The following HSF5 variants were observed in gnomAD, a reference collection of about 807,000 sequenced individuals.
HSF5 encodes the protein heat shock factor protein 5.
Under a neutral mutation model 50.8 loss-of-function variants are expected in HSF5, and 5 were observed. The ratio of observed to expected loss-of-function variants is 0.10; its 90% CI spans 0.05 to 0.21. The LOEUF is 0.21. HSF5 is among the 10% of genes least tolerant of loss of function. HSF5 has a pLI of 1.00. For missense variants in HSF5, 564 were observed against 762.6 expected (o/e 0.74, Z 3.07); for synonymous variants, 307 against 307.4 (o/e 1.00, Z 0.02).
intron 5 of HSF5, among the ~76,000 whole-genome samples, chr17:58,446,897 A>G (rs1335462794): frequency 6.6e-6 from 1 of 152,098 alleles, no homozygotes; most frequent in East Asian, 1.9e-4. Flanking sequence ...GAGGCCGAGG[A>G]GGGCGGATCA....
chr17:58,421,038 T>C lies in HSF5; in HGVS notation c.*1322A>G, dbSNP rs763622162. On this transcript the variant is annotated 3_prime_UTR_variant, in exon 6 of 6. Transcript: ENST00000323777. ...TTCCTTTCGTTTCTGCAGTGCTTAA[T>C]AGGAGAACTGAAACAGAATCCAATA... 9.8e-5 allele frequency: 15 copies of C among 152,674 alleles called. No homozygotes were observed. Among genetic ancestry groups the C allele is most frequent in the Admixed American group, 6.5e-4 (10 of 15,290 alleles). The allele number at this position is 152,674 out of a possible 1,614,324, so 9.5% of individuals were successfully genotyped here. A position where few individuals can be genotyped will look rare whatever the true frequency, so the allele number is the denominator to read the frequency against.
intron 2 of HSF5, among the ~76,000 whole-genome samples, chr17:58,469,512 CA>C (rs1974917231): frequency 6.6e-6 from 1 of 152,016 alleles, no homozygotes; most frequent in South Asian, 2.1e-4. Flanking sequence ...GATTATACTC[CA>C]AAAAGATTCC....
chr17:58,440,174 C>A (rs1163697752), intron 5 of HSF5, among the ~76,000 whole-genome samples: 1 of 152,032 alleles, frequency 6.6e-6, no homozygotes, highest in Non-Finnish European at 1.5e-5. Context: ...AGAGAGTAAG[C>A]CTTGTATTTG....
chr17:58,463,192 T>C lies in HSF5; in HGVS notation c.1132A>G (p.Ile378Val), dbSNP rs1188779189. 1.2e-6 allele frequency: 2 copies of C among 1,614,178 alleles called. No homozygotes were observed. The highest frequency in any genetic ancestry group is 1.7e-6 in the Non-Finnish European group (2 of 1,180,016). Reference sequence around the variant, plus strand: ...GGGGAGGAATGCAACTCATCAACTATCTGAAAGACAGCCTCTAGGTTTACT... The same window carrying C: ...GGGGAGGAATGCAACTCATCAACTACCTGAAAGACAGCCTCTAGGTTTACT... ...TEVNLEAVFQ[I>V]VDELHSSPKL... is the part of the protein sequence containing the mutation. Residue 378 changes from isoleucine (I) to valine (V), a missense_variant, in exon 4 of 6, where the codon ATA becomes GTA. Around this residue, in one of 5 missense-constraint regions of HSF5, gnomAD observed 441 missense variants for 533.6 expected, o/e 0.83. Transcript: ENST00000323777.
At position 58,430,561 on chromosome 17, in the gene HSF5, T is replaced by C. The variant is rs994227754; in HGVS notation, c.1721-8131A>G. ...CAGCTGGGGTACACTCTTCCTCTCC[T>C]GTCCTTGCACATCAAAACTCTAGAC... is the stretch of plus-strand genomic sequence containing the variant. On this transcript the variant is annotated intron_variant, in intron 5 of 5. Coordinates refer to ENST00000323777, the MANE Select transcript of HSF5 (RefSeq NM_001080439.3). 2.0e-5 allele frequency among the ~76,000 whole-genome samples: 3 copies of C among 152,298 alleles called. No individual in the cohort carries two copies. The East Asian group carries it at 5.8e-4, about 29-fold the overall frequency.
chr17:58,465,319 G>A (rs908330946), intron 3 of HSF5, among the ~76,000 whole-genome samples: 3 of 151,212 alleles, frequency 2.0e-5, no homozygotes, highest in African/African-American at 4.9e-5. Flanking sequence ...CATTGTACAC[G>A]GCCATATATT....
At chr17:58,476,474 T>C (rs1337868378) in intron 2 of HSF5, 1 of 1,087,928 alleles carries the variant, frequency 9.2e-7, no homozygotes, top group African/African-American at 1.5e-5. Context: ...GATTTCCATT[T>C]GATTTCAGTG....
chr17:58,479,808 A>G (rs1975073099), intron 2 of HSF5, 85 bp downstream of exon 2: 2 of 1,203,700 alleles, frequency 1.7e-6, no homozygotes, highest in South Asian at 3.1e-5. Context: ...TAAAGCACAT[A>G]GACATTAAAA....
chr17:58,426,666 G>T (rs1487476502), intron 5 of HSF5, among the ~76,000 whole-genome samples: 2 of 152,134 alleles, frequency 1.3e-5, no homozygotes, highest in African/African-American at 4.8e-5. Context: ...AGTTTCCTTT[G>T]ACTGTAAAAC....
intron 2 of HSF5, among the ~76,000 whole-genome samples, chr17:58,472,305 C>T (rs997436564): frequency 6.6e-6 from 1 of 151,876 alleles, no homozygotes; most frequent in Admixed American, 6.6e-5. Context: ...TAGCTGTACC[C>T]CCCCCAAAAA....
At chr17:58,471,314 G>C (rs377280225) in intron 2 of HSF5, among the ~76,000 whole-genome samples, 14 of 152,240 alleles carry the variant, frequency 9.2e-5, no homozygotes, top group African/African-American at 3.4e-4. Context: ...GGTGCTAAGT[G>C]CCTCTTTTCC....
chr17:58,483,409 AG>A (rs1206370125), intron 1 of HSF5, among the ~76,000 whole-genome samples: 3 of 152,198 alleles, frequency 2.0e-5, no homozygotes, highest in Non-Finnish European at 4.4e-5. Context: ...TCTTCTGTTA[AG>A]GGTTACTTCA....
chr17:58,424,373 G>C (rs2143720300), intron 5 of HSF5, among the ~76,000 whole-genome samples: 1 of 147,612 alleles, frequency 6.8e-6, no homozygotes, highest in African/African-American at 2.4e-5. Flanking sequence ...AGCAGTTTGG[G>C]AGGCCGAGGC....
chr17:58,446,703 C>G (rs953069646), intron 5 of HSF5, among the ~76,000 whole-genome samples: 2 of 152,222 alleles, frequency 1.3e-5, no homozygotes, highest in African/African-American at 4.8e-5. Flanking sequence ...AGCCCTAACA[C>G]TGTACTGCTG....
At chr17:58,426,917 A>T (rs976607171) in intron 5 of HSF5, among the ~76,000 whole-genome samples, 2 of 152,158 alleles carry the variant, frequency 1.3e-5, no homozygotes, top group Non-Finnish European at 2.9e-5. Context: ...CACTGAAATC[A>T]CTACAATTTG....
intron 5 of HSF5, among the ~76,000 whole-genome samples, chr17:58,423,071 T>G (rs1350558395): frequency 6.6e-6 from 1 of 152,126 alleles, no homozygotes; most frequent in African/African-American, 2.4e-5. Context: ...CACATACAAA[T>G]AAAAATTCAT....
chr17:58,461,628 G>A (rs1311923617), intron 4 of HSF5, among the ~76,000 whole-genome samples: 1 of 152,088 alleles, frequency 6.6e-6, no homozygotes, highest in Non-Finnish European at 1.5e-5. Context: ...TCCCAGCACT[G>A]TGGGAGGCCA....
intron 1 of HSF5, among the ~76,000 whole-genome samples, chr17:58,482,159 G>C (rs148079462): frequency 6.6e-6 from 1 of 151,664 alleles, no homozygotes; most frequent in Non-Finnish European, 1.5e-5. Context: ...AAACAAATAC[G>C]CACATATGAA....
At chr17:58,482,379 C>A (rs1975109658) in intron 1 of HSF5, among the ~76,000 whole-genome samples, 1 of 152,032 alleles carries the variant, frequency 6.6e-6, no homozygotes, top group South Asian at 2.1e-4. Context: ...GGGAGGATTG[C>A]TTGAGCTCAG....
Sources: gnomAD v4.1 joint callset for allele counts (sites outside exome capture counted in the v4.1 genomes callset) on GRCh38, gnomAD v4.1.1 for gene constraint, gnomAD v4.1.1 regional missense constraint, MANE v1.5 for transcripts, NCBI Gene and HGNC (gene_info 2026-07-23, HGNC 2026-07-21) for gene names.